Variants in ATAD2 observed in about 807,000 individuals in gnomAD.
ATAD2 encodes ATPase family AAA domain-containing protein 2.
A neutral mutation model predicts 168.9 loss-of-function variants in ATAD2; 62 were observed. That is an observed-to-expected ratio of 0.37 (90% confidence interval 0.30 to 0.45). ATAD2 has a LOEUF of 0.45. Among genes scored for constraint, ATAD2 ranks in the 20% least tolerant of loss-of-function variants. The pLI is 1.00. For synonymous variants in ATAD2, 613 were observed against 571.6 expected, an observed-to-expected ratio of 1.07 and a Z score of -1.03; for missense variants, 1,419 against 1,667.8, an observed-to-expected ratio of 0.85 and a Z score of 2.60.
chr8:123,361,584 T>C lies in ATAD2; in HGVS notation c.1112A>G (p.His371Arg). 6.2e-7 allele frequency: 1 copy of C among 1,613,620 alleles called. No individual in the cohort carries two copies. Among genetic ancestry groups the C allele is most frequent in the South Asian group, 1.1e-5 (1 of 91,050 alleles). ...TSSSSSEDEQHFERRRKRSRN... is the reference protein window; with the variant it reads ...TSSSSSEDEQRFERRRKRSRN... Reference sequence around the variant, plus strand: ...ACTCCTTTTCCTCCGCCTCTCAAAGTGCTGTTCATCTTCAGAGGAGGAAGA... The same window carrying C: ...ACTCCTTTTCCTCCGCCTCTCAAAGCGCTGTTCATCTTCAGAGGAGGAAGA... Residue 371 changes from histidine (H) to arginine (R), a missense_variant, in exon 9 of 28, where the codon CAC becomes CGC. By Grantham distance (29) the His-to-Arg change is conservative (BLOSUM62 0). Around this residue, in one of 5 missense-constraint regions of ATAD2, gnomAD observed 146 missense variants for 188.3 expected, o/e 0.78. Coordinates refer to ENST00000287394, the MANE Select transcript of ATAD2 (RefSeq NM_014109.4).
chr8:123,374,227 C>T (rs566190295), intron 2 of ATAD2, among the ~76,000 whole-genome samples: 18 of 152,106 alleles, frequency 1.2e-4, no homozygotes, highest in Non-Finnish European at 2.2e-4. Flanking sequence ...CAGTCAGGTG[C>T]CTGTAGTCCC....
chr8:123,359,616 T>C lies in ATAD2; in HGVS notation c.1227A>G (p.Ala409=). Residue 409 remains alanine, a synonymous_variant, in exon 10 of 28, where the codon GCA becomes GCG. Coordinates refer to ENST00000287394, the MANE Select transcript of ATAD2 (RefSeq NM_014109.4). ...GIYKDRMKIG[A]SLADVDPMQL... ...GCATTGGATCAACATCGGCAAGGCT[T>C]GCTCCAATTTTCATTCGATCTTTAT... 6 of 1,613,576 alleles carry C rather than the reference T, an allele frequency of 3.7e-6. No homozygotes were observed. Among genetic ancestry groups the C allele is most frequent in the Non-Finnish European group, 5.1e-6 (6 of 1,179,850 alleles).
At chr8:123,409,308 C>T (rs1813118306) in intron 1 of ATAD2, among the ~76,000 whole-genome samples, 2 of 152,104 alleles carry the variant, frequency 1.3e-5, no homozygotes, top group South Asian at 4.1e-4. Context: ...GTGTTTCAAC[C>T]CAGCCAACTT....
At chr8:123,394,513 C>T (rs972453757) in intron 1 of ATAD2, among the ~76,000 whole-genome samples, 3 of 152,032 alleles carry the variant, frequency 2.0e-5, no homozygotes, top group Non-Finnish European at 4.4e-5. Flanking sequence ...TCTGTAATCC[C>T]AGCTACTTGG....
At chr8:123,409,968 C>T (rs1223639943) in intron 1 of ATAD2, among the ~76,000 whole-genome samples, 1 of 146,444 alleles carries the variant, frequency 6.8e-6, no homozygotes, top group Admixed American at 6.8e-5. Flanking sequence ...GCATTAAAAG[C>T]ACATCCTTCC....
At position 123,334,320 on chromosome 8, in the gene ATAD2, G is replaced by T; in HGVS notation, c.3214C>A (p.Arg1072Ser). The T allele has an allele frequency of 6.6e-7, 1 of 1,514,740 alleles. No homozygotes were observed. Among genetic ancestry groups the T allele is most frequent in the Non-Finnish European group, 8.8e-7 (1 of 1,137,998 alleles). 93.8% of individuals were successfully genotyped at this position (1,514,740 alleles called of 1,614,324 possible). Reference sequence around the variant, plus strand: ...GCACAGGCTCTATGCCTAATAAGACGATCTATGAAGTGAGTAAAAAATGTA... The same window carrying T: ...GCACAGGCTCTATGCCTAATAAGACTATCTATGAAGTGAGTAAAAAATGTA... ...EYNPDRDPGD[R>S]LIRHRACALR... Residue 1072 changes from arginine to serine, a missense_variant and splice_region_variant, in exon 23 of 28, where the codon CGT becomes AGT. Arg to Ser is a moderately radical substitution (Grantham distance 110, BLOSUM62 -1). This residue lies in a region of ATAD2 where 545 missense variants were observed against 724.9 expected (regional missense o/e 0.75). Coordinates refer to ENST00000287394, the MANE Select transcript of ATAD2 (RefSeq NM_014109.4).
At chr8:123,345,090 C>T (rs1828196146) in intron 18 of ATAD2, 21 bp from the exon 19 acceptor site, 1 of 1,573,420 alleles carries the variant, frequency 6.4e-7, no homozygotes, top group Middle Eastern at 1.7e-4. Flanking sequence ...GAGAACAAAA[C>T]AAATTCAGTT....
chr8:123,365,049 C>G (rs539874437), intron 8 of ATAD2, among the ~76,000 whole-genome samples: 4 of 152,226 alleles, frequency 2.6e-5, no homozygotes, highest in African/African-American at 9.6e-5. Context: ...CAAAAAACTC[C>G]TAGAACTGAC....
chr8:123,370,031 T>C lies in ATAD2; in HGVS notation c.728-7A>G. 1 of 1,599,620 alleles carries C rather than the reference T, an allele frequency of 6.3e-7. No homozygotes were observed. Among genetic ancestry groups the C allele is most frequent in the Non-Finnish European group, 8.5e-7 (1 of 1,172,226 alleles). On this transcript the variant is annotated splice_region_variant and splice_polypyrimidine_tract_variant and intron_variant, in intron 6 of 27. Transcript: ENST00000287394. ...TCACCCTCTTCAGATGACTCTACAA[T>C]TAAGAGATCCTTACTTCCAGAAAGA...
At chr8:123,406,142 C>A (rs534100378) in intron 1 of ATAD2, among the ~76,000 whole-genome samples, 2 of 151,940 alleles carry the variant, frequency 1.3e-5, no homozygotes. Flanking sequence ...TTTGGAAGGC[C>A]GAGGCAGGCG....
intron 1 of ATAD2, among the ~76,000 whole-genome samples, chr8:123,415,664 G>T (rs1176189829): frequency 6.6e-6 from 1 of 151,888 alleles, no homozygotes; most frequent in African/African-American, 2.4e-5. Context: ...GCACCATCTC[G>T]GCTCACTGCA....
intron 1 of ATAD2, among the ~76,000 whole-genome samples, chr8:123,382,388 T>G (rs949166563): frequency 2.6e-5 from 4 of 152,242 alleles, no homozygotes; most frequent in African/African-American, 9.6e-5. Flanking sequence ...TTTATCAATG[T>G]ACCTATATTT....
chr8:123,371,619 C>G, intron 4 of ATAD2, 51 bp downstream of exon 4: 1 of 1,503,806 alleles, frequency 6.6e-7, no homozygotes. Context: ...TCCTCCCCAA[C>G]AAAAAGTCTC....
chr8:123,361,457 T>C, intron 9 of ATAD2, 82 bp downstream of exon 9: 1 of 1,169,292 alleles, frequency 8.6e-7, no homozygotes, highest in Non-Finnish European at 1.3e-6. Context: ...CAGCCTATAC[T>C]TATACCCAAA....
chr8:123,398,112 G>C (rs895018566), upstream of ATAD2, among the ~76,000 whole-genome samples: 1 of 151,956 alleles, frequency 6.6e-6, no homozygotes, highest in African/African-American at 2.4e-5. Context: ...AATAATCTGC[G>C]TGGCTGCTGA....
chr8:123,350,839 C>T (rs2131339102), intron 13 of ATAD2, among the ~76,000 whole-genome samples: 1 of 152,168 alleles, frequency 6.6e-6, no homozygotes, highest in East Asian at 1.9e-4. Flanking sequence ...ATTCTCCTGC[C>T]TCAGCCTCCT....
intron 19 of ATAD2, among the ~76,000 whole-genome samples, chr8:123,343,977 T>A (rs972947061): frequency 3.3e-5 from 5 of 152,226 alleles, no homozygotes; most frequent in Non-Finnish European, 5.9e-5. Context: ...GGCAGTTGTC[T>A]AAATTGGCAC....
At chr8:123,387,701 C>T (rs1050688251) in intron 1 of ATAD2, among the ~76,000 whole-genome samples, 4 of 152,214 alleles carry the variant, frequency 2.6e-5, no homozygotes, top group Non-Finnish European at 4.4e-5. Context: ...TTTTAAGTTT[C>T]TCACAACCTT....
chr8:123,363,765 T>C (rs1828887433), intron 8 of ATAD2, among the ~76,000 whole-genome samples: 2 of 152,322 alleles, frequency 1.3e-5, no homozygotes, highest in East Asian at 1.9e-4. Flanking sequence ...TTCTGTACCA[T>C]GTACTTGATA....
Sources: allele counts gnomAD v4.1 joint callset (sites outside exome capture counted in the v4.1 genomes callset), GRCh38; gene constraint gnomAD v4.1.1; regional missense constraint gnomAD v4.1.1; transcripts MANE v1.5; gene names NCBI Gene and HGNC (gene_info 2026-07-23, HGNC 2026-07-21).